Variants in TNRC6A observed in about 807,000 individuals in gnomAD.
The protein encoded by TNRC6A is trinucleotide repeat containing adaptor 6A.
TNRC6A carries 44 observed loss-of-function variants against 221.2 expected under a neutral mutation model. The ratio of observed to expected loss-of-function variants is 0.20; its 90% confidence interval spans 0.16 to 0.26. The LOEUF (loss-of-function observed/expected upper bound fraction) is 0.26, where lower values mean the gene tolerates loss of function less well. Among genes scored for constraint, TNRC6A ranks in the 10% least tolerant of loss-of-function variants. The pLI is 1.00. For synonymous variants in TNRC6A, 847 were observed against 838.5 expected, an observed-to-expected ratio of 1.01 and a Z score of -0.18; for missense variants, 2,199 against 2,404.4, an observed-to-expected ratio of 0.91 and a Z score of 1.79.
Position 24,806,555 on chromosome 16 carries a change from A to G in TNRC6A, c.4330-19A>G. On this transcript the variant is annotated intron_variant, in intron 16 of 24. Transcript: ENST00000395799. Reference sequence around the variant, plus strand: ...CGTTTTCCCCCAGTAATTTTTTCCAATCATTTCATTGTTTTAAGGGTCGAC... The same window carrying G: ...CGTTTTCCCCCAGTAATTTTTTCCAGTCATTTCATTGTTTTAAGGGTCGAC... 2.5e-6 allele frequency: 4 copies of G among 1,612,730 alleles called. No homozygotes were observed. The highest frequency in any genetic ancestry group is 1.7e-5 in the Admixed American group (1 of 59,998).
chr16:24,712,738 G>A (rs2056227643), intron 2 of TNRC6A, among the ~76,000 whole-genome samples: 1 of 152,078 alleles, frequency 6.6e-6, no homozygotes, highest in South Asian at 2.1e-4. Context: ...TATGCTTGAA[G>A]AATCTTTATT....
chr16:24,664,986 C>G (rs1249022282), intron 2 of TNRC6A: 4 of 456,348 alleles, frequency 8.8e-6, no homozygotes, highest in Admixed American at 7.1e-5. Flanking sequence ...CAGCCAGATT[C>G]TAACATCAGA....
At chr16:24,664,952 C>T (rs779858262) in intron 2 of TNRC6A, 1 of 456,314 alleles carries the variant, frequency 2.2e-6, no homozygotes, top group South Asian at 1.5e-5. Context: ...AGGCACGAGG[C>T]TCCACAGAAT....
At chr16:24,715,010 G>C (rs1424845399) in intron 2 of TNRC6A, among the ~76,000 whole-genome samples, 1 of 151,728 alleles carries the variant, frequency 6.6e-6, no homozygotes, top group Non-Finnish European at 1.5e-5. Flanking sequence ...CCGAGTAGCT[G>C]TGACTACAGG....
chr16:24,670,364 T>C (rs2055270313), intron 2 of TNRC6A, among the ~76,000 whole-genome samples: 1 of 152,016 alleles, frequency 6.6e-6, no homozygotes, highest in Admixed American at 6.6e-5. Context: ...CTAAGGTCAG[T>C]CTCACTCCCA....
chr16:24,714,302 C>CTTT (rs60469088), intron 2 of TNRC6A, among the ~76,000 whole-genome samples: 1,468 of 71,354 alleles, frequency 0.021, 35 homozygotes, highest in East Asian at 0.032. Context: ...TGCTGTTAAT[C>CTTT]TTTTTTTTTT....
chr16:24,703,137 A>G (rs990843245), intron 2 of TNRC6A, among the ~76,000 whole-genome samples: 10 of 152,156 alleles, frequency 6.6e-5, no homozygotes, highest in African/African-American at 2.4e-4. Flanking sequence ...CACCACAATC[A>G]ATTTTAGAAT....
chr16:24,649,781 A>G (rs1471702989), intron 2 of TNRC6A, among the ~76,000 whole-genome samples: 5 of 135,494 alleles, frequency 3.7e-5, no homozygotes, highest in African/African-American at 5.6e-5. Flanking sequence ...CATCTCCCCA[A>G]TTTCCCCATC....
chr16:24,676,931 A>G (rs1159915700), intron 2 of TNRC6A, among the ~76,000 whole-genome samples: 1 of 151,916 alleles, frequency 6.6e-6, no homozygotes, highest in Non-Finnish European at 1.5e-5. Flanking sequence ...CTATTCTTCA[A>G]GGTTCCTCTA....
chr16:24,820,389 G>C lies in TNRC6A; in HGVS notation c.5302+29G>C, dbSNP rs1192980218. On this transcript the variant is annotated intron_variant, in intron 22 of 24. Coordinates refer to ENST00000395799, the MANE Select transcript of TNRC6A (RefSeq NM_014494.4). ...AGATGCAGTCGTAAGGTGGGTTTCTGTGGTTTATTTGCTAAACGCTAACCA... is the reference window on the plus strand; with the variant it reads ...AGATGCAGTCGTAAGGTGGGTTTCTCTGGTTTATTTGCTAAACGCTAACCA... 8 of 1,607,302 alleles carry C rather than the reference G, an allele frequency of 5.0e-6. No individual in the cohort carries two copies. In the Admixed American group the frequency reaches 1.2e-4, roughly 23 times the overall value.
chr16:24,732,817 T>C (rs1303559115), intron 2 of TNRC6A, among the ~76,000 whole-genome samples: 1 of 152,190 alleles, frequency 6.6e-6, no homozygotes, highest in Non-Finnish European at 1.5e-5. Flanking sequence ...TTGCTAGATG[T>C]CCCTGGGAGT....
rs761856867 is a variant in TNRC6A, at chr16:24,655,503, A to G, written n.402+14494A>G. ...CAGGAGTTCGAGACCATCCTGGCCA[A>G]CATGGTGAAACCCCGTCTCTACTAA... On this transcript the variant is annotated intron_variant and non_coding_transcript_variant, in intron 2 of 2. Transcript: ENST00000566108. Among the ~76,000 whole-genome samples, 7 of 152,298 alleles carry G rather than the reference A, an allele frequency of 4.6e-5. No homozygotes were observed. The East Asian group carries it at 7.7e-4, about 17-fold the overall frequency.
intron 5 of TNRC6A, 132 bp from the exon 6 acceptor site, chr16:24,789,100 G>A (rs1028112891): frequency 1.1e-6 from 1 of 913,464 alleles, no homozygotes; most frequent in Non-Finnish European, 1.6e-6. Context: ...TCACCATTCT[G>A]CCAAGGATCA....
At position 24,823,384 on chromosome 16, in the gene TNRC6A, C is replaced by A; in HGVS notation, c.5514-48C>A. The A allele has an allele frequency of 6.5e-7, 1 of 1,544,896 alleles. No individual in the cohort carries two copies. The highest frequency in any genetic ancestry group is 8.7e-7 in the Non-Finnish European group (1 of 1,145,444). ...ACCCTCACTTGTGAGTGAATGAAGC[C>A]CTCCTGGTGTGCTGTCCTCACGTGT... is the stretch of plus-strand genomic sequence containing the variant. On this transcript the variant is annotated intron_variant, in intron 24 of 24. Transcript: ENST00000395799. This position sits in a 1 kb window ranked among gnomAD's most constrained non-coding sequence, Gnocchi z 4.3.
intron 1 of TNRC6A, among the ~76,000 whole-genome samples, chr16:24,621,190 A>T (rs563231004): frequency 2.4e-4 from 37 of 151,544 alleles, no homozygotes; most frequent in Non-Finnish European, 4.0e-4. Flanking sequence ...AAATAATTTT[A>T]AAAAAAACAT....
At chr16:24,711,238 C>A (rs866643154) in intron 2 of TNRC6A, among the ~76,000 whole-genome samples, 32 of 151,976 alleles carry the variant, frequency 2.1e-4, no homozygotes, top group African/African-American at 7.5e-4. Flanking sequence ...GAACTCCTGA[C>A]CTCAAATGAT....
intron 8 of TNRC6A, 74 bp from the exon 9 acceptor site, chr16:24,795,833 T>A: frequency 7.0e-7 from 1 of 1,419,916 alleles, no homozygotes; most frequent in Non-Finnish European, 9.5e-7. Flanking sequence ...GACTTAAGTT[T>A]AGGTCTTCCA....
At chr16:24,686,719 C>A (rs749738309) in intron 2 of TNRC6A, among the ~76,000 whole-genome samples, 5 of 152,124 alleles carry the variant, frequency 3.3e-5, no homozygotes, top group African/African-American at 4.8e-5. Flanking sequence ...TAAATAAGCA[C>A]TACACAATAG....
intron 17 of TNRC6A, among the ~76,000 whole-genome samples, chr16:24,808,994 A>G (rs1054997463): frequency 6.6e-6 from 1 of 152,208 alleles, no homozygotes; most frequent in Non-Finnish European, 1.5e-5. Flanking sequence ...TGTAATTGCT[A>G]GTACAGGACA....
Sources: gnomAD v4.1 joint callset for allele counts (sites outside exome capture counted in the v4.1 genomes callset) on GRCh38, gnomAD v4.1.1 for gene constraint, Gnocchi (gnomAD v3.1) non-coding constraint, MANE v1.5 for transcripts, NCBI Gene and HGNC (gene_info 2026-07-23, HGNC 2026-07-21) for gene names.